Variants in NEB observed in about 807,000 individuals in gnomAD.
The protein encoded by NEB is nebulin, also known as nemaline myopathy type 2.
Under a neutral mutation model 952.2 loss-of-function variants are expected in NEB, and 512 were observed. That is an observed-to-expected ratio of 0.54 (90% confidence interval 0.50 to 0.58). The LOEUF is 0.58. NEB is among the 20% of genes least tolerant of loss of function. The pLI, the probability that NEB is intolerant of heterozygous loss-of-function variation, is 0.00. For missense variants in NEB, 8,428 were observed against 9,231.1 expected (o/e 0.91, Z 3.56); for synonymous variants, 2,900 against 3,149.8 (o/e 0.92, Z 2.66).
At position 151,618,428 on chromosome 2, in the gene NEB, C is replaced by T. The variant is rs563836738; in HGVS notation, c.10923G>A (p.Pro3641=). 81 of 1,613,782 alleles carry T rather than the reference C, an allele frequency of 5.0e-5. No homozygotes were observed. Among genetic ancestry groups the T allele is most frequent in the Non-Finnish European group, 6.4e-5 (75 of 1,179,868 alleles). ...LEWMKGIGWV[P]IDSLEVVRAK... ...CCCTAACAACTTCCAAGGAATCAAT[C>T]GGAACCCAGCCAATGCCTTTCATCC... The change falls in exon 74 of 182, where the codon CCG becomes CCA. Residue 3641 remains proline (P), a synonymous_variant. Coordinates refer to ENST00000397345, the MANE Select transcript of NEB (RefSeq NM_001164508.2).
intron 124 of NEB, among the ~76,000 whole-genome samples, chr2:151,556,340 T>C (rs952762729): frequency 3.3e-5 from 5 of 152,146 alleles, no homozygotes; most frequent in Non-Finnish European, 7.4e-5. Context: ...CTGTGAGACA[T>C]TTGTGCCAGA....
At chr2:151,614,038 AT>A (rs1211024446) in intron 77 of NEB, among the ~76,000 whole-genome samples, 1 of 152,120 alleles carries the variant, frequency 6.6e-6, no homozygotes, top group Non-Finnish European at 1.5e-5. Context: ...CACCACTAGA[AT>A]TTTTTACTTA....
intron 105 of NEB, among the ~76,000 whole-genome samples, chr2:151,577,147 A>T (rs965767344): frequency 6.6e-6 from 1 of 152,216 alleles, no homozygotes; most frequent in Non-Finnish European, 1.5e-5. Context: ...CAAAATTCAG[A>T]ATTCAAATCC....
intron 54 of NEB, among the ~76,000 whole-genome samples, chr2:151,648,255 G>A (rs886585459): frequency 6.6e-6 from 1 of 151,912 alleles, no homozygotes; most frequent in Admixed American, 6.6e-5. Context: ...TCCCTTTGAG[G>A]TATGCAGCAT....
intron 10 of NEB, among the ~76,000 whole-genome samples, chr2:151,713,774 A>C (rs1328791785): frequency 6.6e-6 from 1 of 152,184 alleles, no homozygotes; most frequent in Non-Finnish European, 1.5e-5. Context: ...AGAGCTACAA[A>C]ATACAGCTGA....
At position 151,697,629 on chromosome 2, in the gene NEB, T is replaced by C. The variant is rs1323822117; in HGVS notation, c.1172A>G (p.Tyr391Cys). The part of the protein sequence containing the change: ...ALSDKLYKEN[Y>C]EKTKAKSINY... ...TATGCTCTTTGCTTTTGTCTTTTCA[T>C]AGTTTTCCTTGTATAGTTTCTGTCA... The change falls in exon 14 of 182, where the codon TAT (tyrosine) becomes TGT (cysteine). Residue 391 changes from tyrosine (Y) to cysteine (C), a missense_variant. Coordinates refer to ENST00000397345, the MANE Select transcript of NEB (RefSeq NM_001164508.2). The C allele has an allele frequency of 1.2e-6, 2 of 1,609,346 alleles. No individual in the cohort carries two copies. Among genetic ancestry groups the C allele is most frequent in the Non-Finnish European group, 1.7e-6 (2 of 1,178,830 alleles).
chr2:151,499,367 T>G lies in NEB; in HGVS notation c.24045A>C (p.Gly8015=), dbSNP rs1303920273. 6.5e-7 allele frequency: 1 copy of G among 1,544,946 alleles called. No homozygotes were observed. ...GAGTGATGGGGATTGGAATCCCTTT[T>G]CCAACGTTTTCTTTATACAACACCT... The part of the protein sequence containing the change: ...FSSVLYKENV[G]KGIPIPITPE... Residue 8015 remains glycine (G), a synonymous_variant, in exon 169 of 182, where the codon GGA becomes GGC. Coordinates refer to ENST00000397345, the MANE Select transcript of NEB (RefSeq NM_001164508.2).
rs1241776504 is a variant in NEB, at chr2:151,666,170, G to C, written c.4951C>G (p.Gln1651Glu). 6.2e-7 allele frequency: 1 copy of C among 1,613,940 alleles called. No individual in the cohort carries two copies. Among genetic ancestry groups the C allele is most frequent in the African/African-American group, 1.3e-5 (1 of 75,032 alleles). Residue 1651 changes from glutamine (Q) to glutamate (E), a missense_variant, in exon 41 of 182, where the codon CAG becomes GAG. Physicochemically the swap from Gln to Glu is conservative, Grantham distance 29 (BLOSUM62 2). Coordinates refer to ENST00000397345, the MANE Select transcript of NEB (RefSeq NM_001164508.2). ...QEVATNANYR[Q>E]SYHHYTLLPD... Reference sequence around the variant, plus strand: ...AGGAGAGTGTAGTGGTGGTATGACTGTCTGTAGTTGGCGTTGGTGGCAACC... The same window carrying C: ...AGGAGAGTGTAGTGGTGGTATGACTCTCTGTAGTTGGCGTTGGTGGCAACC...
At chr2:151,554,382 G>A (rs1304065052) in intron 125 of NEB, among the ~76,000 whole-genome samples, 1 of 151,894 alleles carries the variant, frequency 6.6e-6, no homozygotes, top group Non-Finnish European at 1.5e-5. Context: ...GCAACATAAC[G>A]AGATTCCAAT....
At chr2:151,717,351 T>C in intron 10 of NEB, 65 bp downstream of exon 10, 1 of 1,129,118 alleles carries the variant, frequency 8.9e-7, no homozygotes, top group South Asian at 1.3e-5. Flanking sequence ...AGTAACCCTC[T>C]CTGATGGTTG....
chr2:151,490,057 T>C lies in NEB; in HGVS notation c.25318A>G (p.Thr8440Ala), dbSNP rs749529584. The change falls in exon 181 of 182, where the codon ACA becomes GCA. Residue 8440 changes from threonine (T) to alanine (A), a missense_variant. Thr to Ala is a moderately conservative substitution (Grantham distance 58, BLOSUM62 0). Transcript: ENST00000397345. ...VSTAYKHAKT[T>A]ELPQQRSSSV... ...GATGATCGTTGTTGTGGGAGCTCTG[T>C]GGTTTTTGCATGTTTGTAAGCTGAA... 1 of 1,610,794 alleles carries C rather than the reference T, an allele frequency of 6.2e-7. No individual in the cohort carries two copies. Among genetic ancestry groups the C allele is most frequent in the Non-Finnish European group, 8.5e-7 (1 of 1,178,764 alleles).
intron 157 of NEB, 66 bp from the exon 158 acceptor site, chr2:151,514,994 CA>C: frequency 9.9e-7 from 1 of 1,006,502 alleles, no homozygotes; most frequent in Admixed American, 2.5e-5. Flanking sequence ...CTCTCCATCT[CA>C]GGAAGAAAAA....
intron 32 of NEB, 63 bp downstream of exon 32, chr2:151,679,658 C>A: frequency 1.4e-6 from 1 of 731,802 alleles, no homozygotes; most frequent in Non-Finnish European, 2.5e-6. Flanking sequence ...GGGTCATCGT[C>A]AGACCCCAAG....
At chr2:151,613,755 ACTTCCCC>A (rs1305581539) in intron 77 of NEB, among the ~76,000 whole-genome samples, 8 of 152,034 alleles carry the variant, frequency 5.3e-5, no homozygotes, top group Non-Finnish European at 8.8e-5. Context: ...AGTGTGTAGC[ACTTCCCC>A]CTTTGCTCTC....
In NEB at chr2:151,694,323, A is replaced by G. The variant is rs978952705; in HGVS notation, c.1896T>C (p.Asp632=). 6.2e-7 allele frequency: 1 copy of G among 1,612,520 alleles called. No individual in the cohort carries two copies. The highest frequency in any genetic ancestry group is 8.5e-7 in the Non-Finnish European group (1 of 1,178,536). The change falls in exon 20 of 182, where the codon GAT becomes GAC. Residue 632 remains aspartate (D), a splice_region_variant and synonymous_variant. Coordinates refer to ENST00000397345, the MANE Select transcript of NEB (RefSeq NM_001164508.2). The part of the protein sequence containing the change: ...HSLKVAKNQS[D]RLYKENYEKT... ...AGGGGTGAATTACAAAGAAACTCAC[A>G]TCACTCTGGTTTTTGGCCACCTTCA... is the stretch of plus-strand genomic sequence containing the variant.
intron 50 of NEB, among the ~76,000 whole-genome samples, 171 bp downstream of exon 50, chr2:151,655,643 AGAG>A (rs1434990407): frequency 6.6e-6 from 1 of 152,206 alleles, no homozygotes; most frequent in East Asian, 1.9e-4. Context: ...TAGAAGGTCA[AGAG>A]AAGAAAAAAA....
At chr2:151,732,712 G>T (rs2099811800) in intron 3 of NEB, among the ~76,000 whole-genome samples, 1 of 152,190 alleles carries the variant, frequency 6.6e-6, no homozygotes, top group South Asian at 2.1e-4. Flanking sequence ...GCTAGTTGAA[G>T]CAAAGAATAA....
intron 76 of NEB, among the ~76,000 whole-genome samples, chr2:151,615,424 G>C (rs959802712): frequency 6.6e-6 from 1 of 152,190 alleles, no homozygotes; most frequent in Non-Finnish European, 1.5e-5. Context: ...TGAAGAAAAG[G>C]AGTAGAGAAG....
intron 157 of NEB, among the ~76,000 whole-genome samples, chr2:151,515,756 C>T (rs1241498664): frequency 2.0e-5 from 3 of 152,180 alleles, no homozygotes; most frequent in African/African-American, 7.2e-5. Flanking sequence ...AGATCCTTTA[C>T]TCAGATTGAC....
Sources: allele counts gnomAD v4.1 joint callset (sites outside exome capture counted in the v4.1 genomes callset), GRCh38; gene constraint gnomAD v4.1.1; transcripts MANE v1.5; gene names NCBI Gene and HGNC (gene_info 2026-07-23, HGNC 2026-07-21).